DDX20: variants seen among roughly 807,000 people sequenced by gnomAD.
DDX20 encodes the protein DEAD-box helicase 20, also known as probable ATP-dependent RNA helicase DDX20.
Under a neutral mutation model 76.4 loss-of-function variants are expected in DDX20, and 61 were observed. The observed-to-expected ratio is 0.80, with a 90% CI of 0.65 to 0.99. The LOEUF is 0.99. Among genes scored for constraint, DDX20 ranks in the 50% least tolerant of loss-of-function variants. The pLI, the probability that DDX20 is intolerant of heterozygous loss-of-function variation, is 0.00. For synonymous variants in DDX20, 357 were observed against 357.4 expected (o/e 1.00, Z 0.01); for missense variants, 976 against 996.8 (o/e 0.98, Z 0.28).
At chr1:111,759,931 G>T (rs373809512) in intron 3 of DDX20, among the ~76,000 whole-genome samples, 235 of 136,346 alleles carry the variant, frequency 1.7e-3, no homozygotes, top group Middle Eastern at 9.3e-3. Context: ...CCGAGATCGC[G>T]CCACTGCACT....
At chr1:111,759,950 G>A (rs1172220438) in intron 3 of DDX20, among the ~76,000 whole-genome samples, 2 of 144,920 alleles carry the variant, frequency 1.4e-5, no homozygotes, top group African/African-American at 2.6e-5. Context: ...CTCCAGCCTG[G>A]GTGACAGAGC....
chr1:111,758,935 A>G (rs1404768779), intron 2 of DDX20, among the ~76,000 whole-genome samples: 3 of 152,240 alleles, frequency 2.0e-5, no homozygotes, highest in African/African-American at 7.2e-5. Flanking sequence ...GAATGAATGA[A>G]TGGAATACAG....
At chr1:111,759,923 G>A (rs1216136188) in intron 3 of DDX20, among the ~76,000 whole-genome samples, 4 of 144,074 alleles carry the variant, frequency 2.8e-5, no homozygotes, top group Non-Finnish European at 6.0e-5. Context: ...GCAGTGAGCC[G>A]AGATCGCGCC....
intron 10 of DDX20, among the ~76,000 whole-genome samples, chr1:111,764,335 A>G (rs1663733237): frequency 6.6e-6 from 1 of 152,234 alleles, no homozygotes; most frequent in Non-Finnish European, 1.5e-5. Flanking sequence ...TGCAGAATAT[A>G]GGATATGTAG....
Position 111,761,026 on chromosome 1 carries a change from T to A in DDX20, c.863T>A (p.Leu288Ter). The change falls in exon 6 of 11, where the codon TTG becomes TAG. Residue 288 changes from leucine (L) to a stop codon, truncating the protein, a stop_gained. Coordinates refer to ENST00000369702, the MANE Select transcript of DDX20 (RefSeq NM_007204.5). LOFTEE classifies it high-confidence loss of function. ...TACAAAGTTGTCAATTCATACCCTT[T>A]GGCACATAAGGTTTTTGAGGAAAAG... is the stretch of plus-strand genomic sequence containing the variant. ...QYYKVVNSYP[L>*]AHKVFEEKTQ... 6.2e-7 allele frequency: 1 copy of A among 1,613,994 alleles called. No homozygotes were observed. Among genetic ancestry groups the A allele is most frequent in the Non-Finnish European group, 8.5e-7 (1 of 1,179,930 alleles).
chr1:111,766,376 A>ACT lies in DDX20; in HGVS notation c.1955_1956dup (p.Glu653LeufsTer31), dbSNP rs1185281127. The ACT allele has an allele frequency of 8.7e-6, 14 of 1,614,000 alleles. No individual in the cohort carries two copies. The highest frequency in any genetic ancestry group is 1.2e-5 in the Non-Finnish European group (14 of 1,180,020). The stretch of plus-strand genomic sequence containing the variant: ...TTGGCAAGTAGTAGCCAATCTGGAG[A>ACT]CTCTGAGAGTGACAGTGATTCTTAC... On this transcript the variant is annotated frameshift_variant, in exon 11 of 11. Coordinates refer to ENST00000369702, the MANE Select transcript of DDX20 (RefSeq NM_007204.5). LOFTEE classifies it high-confidence loss of function.
rs748806620 is a variant in DDX20 at position 111,765,860 on chromosome 1, TAGAG to T, written c.1440_1443del (p.Arg481ProfsTer37). On this transcript the variant is annotated frameshift_variant, in exon 11 of 11. Coordinates refer to ENST00000369702, the MANE Select transcript of DDX20 (RefSeq NM_007204.5). LOFTEE classifies it high-confidence loss of function. ...CCCTTAAAAAAGCAAATTCAGAAAA[TAGAG>T]AGAACCCTTCAAATTCAGAAAGCTC... is the stretch of plus-strand genomic sequence containing the variant. 4.1e-5 allele frequency: 66 copies of T among 1,613,888 alleles called. No individual in the cohort carries two copies. Among genetic ancestry groups the T allele is most frequent in the Admixed American group, 6.7e-5 (4 of 59,976 alleles).
At chr1:111,760,874 A>G in intron 5 of DDX20, 26 bp downstream of exon 5, 2 of 1,596,254 alleles carry the variant, frequency 1.3e-6, no homozygotes, top group East Asian at 2.2e-5. Flanking sequence ...AGGTACTTAT[A>G]TTATTGGTTT....
At chr1:111,762,627 A>G (rs1330236863) in intron 8 of DDX20, 50 bp from the exon 9 acceptor site, 1 of 1,429,268 alleles carries the variant, frequency 7.0e-7, no homozygotes, top group Admixed American at 1.7e-5. Context: ...ATTGGTATCC[A>G]TGCTGTATAG....
Position 111,766,976 on chromosome 1 carries a change from T to C in DDX20, c.*77T>C. Reference sequence around the variant, plus strand: ...GATATCCATCCTCCTCGACTTATAGTACAGTGGTGTATAGTGGCATTTCTG... The same window carrying C: ...GATATCCATCCTCCTCGACTTATAGCACAGTGGTGTATAGTGGCATTTCTG... On this transcript the variant is annotated 3_prime_UTR_variant, in exon 11 of 11. Transcript: ENST00000369702. 2 of 1,161,870 alleles carry C rather than the reference T, an allele frequency of 1.7e-6. No individual in the cohort carries two copies. The highest frequency in any genetic ancestry group is 2.5e-6 in the Non-Finnish European group (2 of 811,466). 72.0% of individuals were successfully genotyped at this position (1,161,870 alleles called of 1,614,324 possible). A position where few individuals can be genotyped will look rare whatever the true frequency, so the allele number is the denominator to read the frequency against.
Position 111,766,336 on chromosome 1 carries a change from CAG to C in DDX20, c.1917_1918del (p.Arg639SerfsTer7), listed in dbSNP as rs1663778768. 5 of 1,614,126 alleles carry C rather than the reference CAG, an allele frequency of 3.1e-6. No individual in the cohort carries two copies. The highest frequency in any genetic ancestry group is 2.5e-6 in the Non-Finnish European group (3 of 1,180,018). On this transcript the variant is annotated frameshift_variant, in exon 11 of 11. Transcript: ENST00000369702. LOFTEE classifies it high-confidence loss of function. ...TTTTGTGAGAAATAAAGTTATTGAA[CAG>C]AGAGTCCCTGTGTTGGCAAGTAGTA... Reference protein sequence around the residue: ...NGFVRNKVIEQRVPVLASSSQ... With the variant: ...NGFVRNKVIEXRVPVLASSSQ...
chr1:111,757,861 C>T (rs197395), intron 2 of DDX20, among the ~76,000 whole-genome samples: 30,801 of 151,618 alleles, frequency 0.2, 4,774 homozygotes, highest in African/African-American at 0.44. Flanking sequence ...GTTTCATCAA[C>T]TCATTTTTTT....
At chr1:111,757,814 A>G (rs1663591027) in intron 2 of DDX20, among the ~76,000 whole-genome samples, 1 of 151,970 alleles carries the variant, frequency 6.6e-6, no homozygotes, top group Non-Finnish European at 1.5e-5. Context: ...GGCTTCTGAC[A>G]ATTTGGCAGC....
At chr1:111,762,620 G>C in intron 8 of DDX20, 57 bp from the exon 9 acceptor site, 2 of 1,359,048 alleles carry the variant, frequency 1.5e-6, no homozygotes, top group South Asian at 1.2e-5. Flanking sequence ...AATATGCATT[G>C]GTATCCATGC....
chr1:111,756,824 C>T (rs1663568408), intron 2 of DDX20, 84 bp downstream of exon 2: 2 of 1,153,320 alleles, frequency 1.7e-6, no homozygotes, highest in Non-Finnish European at 2.6e-6. Flanking sequence ...CTCCTCAGAG[C>T]TGGAAGTGAA....
Position 111,766,678 on chromosome 1 carries a change from G to A in DDX20, c.2254G>A (p.Glu752Lys). Residue 752 changes from glutamate (E) to lysine (K), a missense_variant, in exon 11 of 11, where the codon GAA (glutamate) becomes AAA (lysine). Physicochemically the swap from Glu to Lys is moderately conservative, Grantham distance 56 (BLOSUM62 1). Coordinates refer to ENST00000369702, the MANE Select transcript of DDX20 (RefSeq NM_007204.5). ...SSFRLQTEAQ[E>K]DDWYDCHREI... ...CTTCAGATTGCAGACTGAAGCCCAG[G>A]AAGATGATTGGTATGACTGTCATAG... The A allele has an allele frequency of 6.2e-7, 1 of 1,614,188 alleles. No homozygotes were observed. Among genetic ancestry groups the A allele is most frequent in the Non-Finnish European group, 8.5e-7 (1 of 1,180,014 alleles).
chr1:111,762,706 GAATCTGGTTGTA>G lies in DDX20; in HGVS notation c.1142_1153del (p.Val381_Leu384del). The G allele has an allele frequency of 6.2e-7, 1 of 1,613,690 alleles. No individual in the cohort carries two copies. Among genetic ancestry groups the G allele is most frequent in the East Asian group, 2.2e-5 (1 of 44,852 alleles). The stretch of plus-strand genomic sequence containing the variant: ...CTCGTGGGATTGATGCTGAGAAGGT[GAATCTGGTTGTA>G]AATCTGGATGTACCATTGGATTGGG... On this transcript the variant is annotated inframe_deletion, in exon 9 of 11. Transcript: ENST00000369702.
Position 111,766,811 on chromosome 1 carries a change from A to G in DDX20, c.2387A>G (p.Tyr796Cys). Residue 796 changes from tyrosine (Y) to cysteine (C), a missense_variant, in exon 11 of 11, where the codon TAT becomes TGT. Physicochemically the swap from Tyr to Cys is radical, Grantham distance 194. Coordinates refer to ENST00000369702, the MANE Select transcript of DDX20 (RefSeq NM_007204.5). ...TATGCTGCCGCTTCTCATTCATATT[A>G]TTGGAATGCTCAGAGACATCCAAGT... Reference protein sequence around the residue: ...EYYAAASHSYYWNAQRHPSWM... With the variant: ...EYYAAASHSYCWNAQRHPSWM... The G allele has an allele frequency of 6.2e-7, 1 of 1,614,158 alleles. No homozygotes were observed. Among genetic ancestry groups the G allele is most frequent in the Non-Finnish European group, 8.5e-7 (1 of 1,179,980 alleles).
At chr1:111,763,273 C>T (rs943785703) in intron 10 of DDX20, among the ~76,000 whole-genome samples, 1 of 152,126 alleles carries the variant, frequency 6.6e-6, no homozygotes, top group African/African-American at 2.4e-5. Context: ...ACCACTGGCA[C>T]ATGAAAAATG....
Sources: allele counts gnomAD v4.1 joint callset (sites outside exome capture counted in the v4.1 genomes callset), GRCh38; gene constraint gnomAD v4.1.1; transcripts MANE v1.5; gene names NCBI Gene and HGNC (gene_info 2026-07-23, HGNC 2026-07-21).